Variants in TRIM2 observed in about 807,000 individuals in gnomAD.
TRIM2 encodes the protein tripartite motif containing 2.
Under a neutral mutation model 75.2 loss-of-function variants are expected in TRIM2, and 20 were observed. That is an observed-to-expected ratio of 0.27 (90% CI 0.19 to 0.39). The LOEUF (loss-of-function observed/expected upper bound fraction) is 0.39, where lower values mean the gene tolerates loss of function less well. Ranked by LOEUF, TRIM2 falls within the 10% of genes least tolerant of loss-of-function variation. The probability of loss-of-function intolerance (pLI) is 1.00; values close to 1 mark genes in which losing one functional copy is unlikely to be tolerated. For synonymous variants in TRIM2, 373 were observed against 388.3 expected (o/e 0.96, Z 0.46); for missense variants, 660 against 990.8 (o/e 0.67, Z 4.48).
chr4:153,205,460 G>A (rs1239110339), intron 1 of TRIM2, among the ~76,000 whole-genome samples: 2 of 152,086 alleles, frequency 1.3e-5, no homozygotes, highest in African/African-American at 2.4e-5. Flanking sequence ...GGTGGGGAGG[G>A]GGCTACAACA....
intron 2 of TRIM2, among the ~76,000 whole-genome samples, chr4:153,272,013 C>G (rs1756806403): frequency 6.6e-6 from 1 of 152,176 alleles, no homozygotes; most frequent in Non-Finnish European, 1.5e-5. Flanking sequence ...GGATCTAGCC[C>G]AACCCACTTC....
Position 153,183,173 on chromosome 4 carries a change from A to G in TRIM2, c.-49+29903A>G, listed in dbSNP as rs116318655. ...CCTCCAAGGCCTCTCATGTCTTGCC[A>G]GTGCAGAGCTGCCTCTCTCCTCTGA... On this transcript the variant is annotated intron_variant, in intron 1 of 11. Transcript: ENST00000437508. Among the ~76,000 whole-genome samples the G allele has an allele frequency of 7.8e-3, 1,181 of 152,302 alleles. 9 individuals carry two copies. Among genetic ancestry groups the G allele is most frequent in the African/African-American group, 0.027 (1,107 of 41,554 alleles).
At chr4:153,188,174 C>G (rs961932850) in intron 1 of TRIM2, among the ~76,000 whole-genome samples, 1 of 152,124 alleles carries the variant, frequency 6.6e-6, no homozygotes, top group African/African-American at 2.4e-5. Context: ...CTTGTAAGAG[C>G]GAGGGCCAGG....
intron 1 of TRIM2, among the ~76,000 whole-genome samples, chr4:153,263,610 G>A (rs779641657): frequency 5.3e-5 from 8 of 152,196 alleles, no homozygotes; most frequent in Non-Finnish European, 1.0e-4. Flanking sequence ...TACATTCTAG[G>A]GGGAGGGCGG....
Position 153,163,791 on chromosome 4 carries a change from C to T in TRIM2, c.-49+10521C>T, listed in dbSNP as rs189554937. On this transcript the variant is annotated intron_variant, in intron 1 of 11. Coordinates refer to the TRIM2 transcript ENST00000437508. ...TGTTGGGATTACAGGAATGAGCCAC[C>T]GTGCTCAGCCGATTTACATCTTAAA... 4.4e-3 allele frequency among the ~76,000 whole-genome samples: 664 copies of T among 151,950 alleles called. 7 individuals are homozygous for T. Among genetic ancestry groups the T allele is most frequent in the Non-Finnish European group, 7.3e-3 (498 of 67,978 alleles).
At chr4:153,252,448 A>C (rs1277543020) in intron 1 of TRIM2, among the ~76,000 whole-genome samples, 1 of 152,170 alleles carries the variant, frequency 6.6e-6, no homozygotes, top group African/African-American at 2.4e-5. Context: ...ATTTCCACTA[A>C]AATAACAATG....
At position 153,259,692 on chromosome 4, in the gene TRIM2, C is replaced by T. The variant is rs193170872; in HGVS notation, c.31-10643C>T. On this transcript the variant is annotated intron_variant, in intron 1 of 11. Transcript: ENST00000338700. ...TGGTGCCATCTCTGTCCCTTTATTA[C>T]TTATATAAAGGCTGTAGTTCAGAGT... is the stretch of plus-strand genomic sequence containing the variant. 3.0e-3 allele frequency among the ~76,000 whole-genome samples: 454 copies of T among 152,232 alleles called. 7 individuals carry two copies. The highest frequency in any genetic ancestry group is 0.01 in the African/African-American group (433 of 41,522).
At chr4:153,237,922 T>G (rs775435944) in intron 1 of TRIM2, among the ~76,000 whole-genome samples, 1 of 152,200 alleles carries the variant, frequency 6.6e-6, no homozygotes, top group Non-Finnish European at 1.5e-5. Flanking sequence ...ACTTACACCT[T>G]CGCTAGTCAT....
intron 1 of TRIM2, among the ~76,000 whole-genome samples, chr4:153,221,972 GAGGAAGGAAGGA>G (rs1222918043): frequency 3.1e-5 from 2 of 64,078 alleles, no homozygotes; most frequent in Non-Finnish European, 5.9e-5. Flanking sequence ...GGGAGGAAGG[GAGGAAGGAAGGA>G]AGGGAGAGAG....
intron 1 of TRIM2, among the ~76,000 whole-genome samples, chr4:153,245,415 T>G (rs73854616): frequency 0.045 from 6,824 of 152,330 alleles, 421 homozygotes; most frequent in African/African-American, 0.14. Flanking sequence ...CAAAATCTAC[T>G]AAAGGTGTGT....
chr4:153,194,263 C>T (rs1029744176), intron 1 of TRIM2, among the ~76,000 whole-genome samples: 1 of 152,140 alleles, frequency 6.6e-6, no homozygotes, highest in Non-Finnish European at 1.5e-5. Flanking sequence ...ATATATTCAT[C>T]GATTAAAACT....
intron 1 of TRIM2, among the ~76,000 whole-genome samples, chr4:153,174,891 G>T (rs192630746): frequency 1.0e-3 from 154 of 152,344 alleles, no homozygotes; most frequent in African/African-American, 3.3e-3. Context: ...CACTGTATGT[G>T]AACAGAACAC....
In TRIM2 at chr4:153,295,879, C is replaced by T. The variant is rs972243061; in HGVS notation, c.1353C>T (p.Ser451=). ...GSPFKLKVIR[S]ADVSPTTEGV... is the part of the protein sequence containing the mutation. ...CGTTTAAGCTGAAAGTGATCCGATC[C>T]GCTGATGTGTCTCCCACCACAGAAG... Residue 451 remains serine (S), a synonymous_variant, in exon 6 of 12, where the codon TCC becomes TCT. Coordinates refer to ENST00000338700, the MANE Select transcript of TRIM2 (RefSeq NM_015271.5). This position sits in a 1 kb window ranked among gnomAD's most constrained non-coding sequence, Gnocchi z 7.2. 1.6e-5 allele frequency: 26 copies of T among 1,613,650 alleles called. No individual in the cohort carries two copies. The highest frequency in any genetic ancestry group is 8.9e-5 in the East Asian group (4 of 44,882).
Position 153,337,240 on chromosome 4 carries a change from C to A in TRIM2, c.*2274C>A, listed in dbSNP as rs1367183250. 3.0e-6 allele frequency: 3 copies of A among 985,518 alleles called. No individual in the cohort carries two copies. Among genetic ancestry groups the A allele is most frequent in the African/African-American group, 3.5e-5 (2 of 57,254 alleles). The allele number at this position is 985,518 out of a possible 1,614,324, so 61.0% of individuals were successfully genotyped here. A position where few individuals can be genotyped will look rare whatever the true frequency, so the allele number is the denominator to read the frequency against. ...TTATTTAGATTCTTTCTGTCCCAGG[C>A]TGTTGATCTTAAAACTAGTTGATTT... On this transcript the variant is annotated 3_prime_UTR_variant, in exon 12 of 12. Coordinates refer to ENST00000338700, the MANE Select transcript of TRIM2 (RefSeq NM_015271.5).
intron 8 of TRIM2, among the ~76,000 whole-genome samples, chr4:153,321,334 A>G (rs1768933074): frequency 6.6e-6 from 1 of 152,206 alleles, no homozygotes; most frequent in Admixed American, 6.5e-5. Context: ...AGAATTAGGA[A>G]ATAAATAAGT....
chr4:153,219,002 C>G (rs202204337), intron 1 of TRIM2, among the ~76,000 whole-genome samples: 2 of 149,170 alleles, frequency 1.3e-5, no homozygotes, highest in Non-Finnish European at 3.0e-5. Flanking sequence ...TGACCCCCCC[C>G]ATTCTGCTTT....
chr4:153,244,509 C>A lies in TRIM2; in HGVS notation c.31-25826C>A, dbSNP rs76067758. 5.2e-3 allele frequency among the ~76,000 whole-genome samples: 757 copies of A among 146,170 alleles called. 9 individuals carry two copies. The highest frequency in any genetic ancestry group is 0.018 in the African/African-American group (730 of 39,948). On this transcript the variant is annotated intron_variant, in intron 1 of 11. Transcript: ENST00000338700. ...CTCCTGGGCTCAAGCAATCCTCCTG[C>A]CTCAGTCTCCAAAGTAGCTGAGATT... is the stretch of plus-strand genomic sequence containing the variant.
chr4:153,236,399 G>A (rs1745040657), intron 1 of TRIM2, among the ~76,000 whole-genome samples: 1 of 151,950 alleles, frequency 6.6e-6, no homozygotes, highest in African/African-American at 2.4e-5. Flanking sequence ...TCATTTCCTT[G>A]TATGCCTATT....
In TRIM2 at chr4:153,275,874, A is replaced by G; in HGVS notation, c.216-19A>G. The G allele has an allele frequency of 6.2e-7, 1 of 1,610,748 alleles. No individual in the cohort carries two copies. Among genetic ancestry groups the G allele is most frequent in the Non-Finnish European group, 8.5e-7 (1 of 1,177,324 alleles). ...GGTTCTGCACTGTGCTAAGCTCTCC[A>G]CCTCTGCTTCTGCAACAGGTGCCTG... On this transcript the variant is annotated intron_variant, in intron 2 of 11. Transcript: ENST00000338700.
Sources: gnomAD v4.1 joint callset for allele counts (sites outside exome capture counted in the v4.1 genomes callset) on GRCh38, gnomAD v4.1.1 for gene constraint, Gnocchi (gnomAD v3.1) non-coding constraint, MANE v1.5 for transcripts, NCBI Gene and HGNC (gene_info 2026-07-23, HGNC 2026-07-21) for gene names.